Variants in AVIL observed in about 807,000 individuals in gnomAD.
AVIL encodes advillin.
AVIL carries 78 observed loss-of-function variants against 109.9 expected under a neutral mutation model. The ratio of observed to expected loss-of-function variants is 0.71; its 90% CI spans 0.59 to 0.86. AVIL has a LOEUF of 0.86. Among genes scored for constraint, AVIL ranks in the 40% least tolerant of loss-of-function variants. The pLI is 0.00. For synonymous variants in AVIL, 367 were observed against 379.1 expected, an observed-to-expected ratio of 0.97 and a Z score of 0.37; for missense variants, 892 against 1,016.5, an observed-to-expected ratio of 0.88 and a Z score of 1.67.
intron 19 of AVIL, 127 bp downstream of exon 19, chr12:57,799,668 C>A: frequency 7.3e-7 from 1 of 1,371,016 alleles, no homozygotes; most frequent in African/African-American, 1.5e-5. Context: ...GTTTGAGTTC[C>A]TAGGTAGCTC....
intron 16 of AVIL, 80 bp downstream of exon 16, chr12:57,803,167 C>T (rs1431766742): frequency 1.9e-5 from 30 of 1,561,566 alleles, no homozygotes; most frequent in Non-Finnish European, 2.6e-5. Context: ...TGGGTTTATT[C>T]TAGGGTGGGG....
chr12:57,798,773 C>T (rs1006762432), intron 19 of AVIL, among the ~76,000 whole-genome samples: 15 of 152,042 alleles, frequency 9.9e-5, no homozygotes, highest in South Asian at 2.1e-4. Flanking sequence ...CCCACCACCA[C>T]GCCTGGCTAA....
chr12:57,807,871 G>T, intron 11 of AVIL, 144 bp from the exon 12 acceptor site: 3 of 1,169,428 alleles, frequency 2.6e-6, no homozygotes, highest in Non-Finnish European at 2.5e-6. Context: ...CAGTGCTGAG[G>T]ACTCATCACA....
At position 57,803,273 on chromosome 12, in the gene AVIL, C is replaced by T. The variant is rs1460576474; in HGVS notation, c.1936G>A (p.Val646Met). The change falls in exon 16 of 20, where the codon GTG becomes ATG. Residue 646 changes from valine (V) to methionine (M), a missense_variant. By Grantham distance (21) the Val-to-Met change is conservative (BLOSUM62 1). Transcript: ENST00000549994. ...TGGTCCCAGGTATCTAGGAGCATCA[C>T]GTCAGTAGGGTTCAGGTCATCCTGG... ...FTQDDLNPTD[V>M]MLLDTWDQVF... 15 of 1,614,016 alleles carry T rather than the reference C, an allele frequency of 9.3e-6. No individual in the cohort carries two copies. The East Asian group carries it at 1.6e-4, about 17-fold the overall frequency.
chr12:57,803,503 G>A, intron 15 of AVIL, 21 bp downstream of exon 15: 3 of 1,614,066 alleles, frequency 1.9e-6, no homozygotes, highest in Non-Finnish European at 2.5e-6. Flanking sequence ...CCCAGAAGAG[G>A]GGGAGGCTGT....
chr12:57,812,082 C>T (rs541489373), intron 4 of AVIL, among the ~76,000 whole-genome samples: 27 of 152,272 alleles, frequency 1.8e-4, no homozygotes, highest in Non-Finnish European at 3.2e-4. Context: ...CCTTGACCTC[C>T]CGGGCTCAAG....
Position 57,797,998 on chromosome 12 carries a change from AAG to A in AVIL, c.2347-5_2347-4del. 6.9e-6 allele frequency: 11 copies of A among 1,590,578 alleles called. No individual in the cohort carries two copies. The highest frequency in any genetic ancestry group is 9.4e-6 in the Non-Finnish European group (11 of 1,170,736). On this transcript the variant is annotated splice_polypyrimidine_tract_variant and splice_region_variant and intron_variant, in intron 19 of 19. Coordinates refer to ENST00000549994, the MANE Select transcript of AVIL (RefSeq NM_006576.4). ...AAGTCCTGTTCAGAGAGGTAATTCT[AAG>A]AGAGAAAACAAAGTTTCTAGTTAGA...
rs1955757975 is a variant in AVIL, at chr12:57,797,420, T to C, written c.*462A>G. 4.1e-6 allele frequency: 4 copies of C among 985,480 alleles called. No individual in the cohort carries two copies. The highest frequency in any genetic ancestry group is 4.8e-6 in the Non-Finnish European group (4 of 829,952). 61.0% of individuals were successfully genotyped at this position (985,480 alleles called of 1,614,324 possible). ...TTTATTTGAAAAGTGAAAAATGCTT[T>C]GACACATTACAGATCTGGGTATTTG... On this transcript the variant is annotated 3_prime_UTR_variant, in exon 20 of 20. Transcript: ENST00000549994.
chr12:57,817,734 T>A (rs1019072106), intron 1 of AVIL, among the ~76,000 whole-genome samples: 1 of 152,052 alleles, frequency 6.6e-6, no homozygotes, highest in Non-Finnish European at 1.5e-5. Context: ...CAGCAGGAAT[T>A]TAGGAATCAA....
At chr12:57,817,371 A>G (rs1022801024) in intron 1 of AVIL, among the ~76,000 whole-genome samples, 1 of 150,146 alleles carries the variant, frequency 6.7e-6, no homozygotes, top group African/African-American at 2.5e-5. Context: ...GCCATCTAGT[A>G]TGGACTTTGG....
intron 14 of AVIL, 120 bp from the exon 15 acceptor site, chr12:57,803,789 T>G (rs934178494): frequency 7.4e-7 from 1 of 1,342,762 alleles, no homozygotes; most frequent in African/African-American, 1.5e-5. Context: ...CCACAGTCCC[T>G]CAGCCTGGGA....
chr12:57,812,135 A>G (rs886301456), intron 4 of AVIL, among the ~76,000 whole-genome samples: 9 of 152,272 alleles, frequency 5.9e-5, no homozygotes, highest in African/African-American at 1.7e-4. Context: ...TGAGGGCTCA[A>G]TACCCTCAGC....
chr12:57,811,257 G>T, intron 4 of AVIL, 130 bp from the exon 5 acceptor site: 1 of 819,896 alleles, frequency 1.2e-6, no homozygotes, highest in Non-Finnish European at 1.9e-6. Flanking sequence ...TACAGATGGT[G>T]GCAGCTGCTG....
intron 3 of AVIL, among the ~76,000 whole-genome samples, chr12:57,813,650 G>C (rs954940903): frequency 3.9e-5 from 6 of 152,230 alleles, no homozygotes; most frequent in East Asian, 1.9e-4. Flanking sequence ...TTGACAGCTT[G>C]TTGTTCCCCA....
intron 7 of AVIL, 51 bp downstream of exon 7, chr12:57,810,298 C>A: frequency 6.3e-7 from 1 of 1,591,486 alleles, no homozygotes. Flanking sequence ...TTCTAGGGGA[C>A]ACCTTCCCCC....
At chr12:57,808,345 T>A in intron 10 of AVIL, 50 bp downstream of exon 10, 3 of 1,614,020 alleles carry the variant, frequency 1.9e-6, no homozygotes, top group Non-Finnish European at 2.5e-6. Context: ...CATCTGTGCC[T>A]GCTTTTCTAG....
In AVIL at chr12:57,818,182, C is replaced by CTTTTTTT. The variant is rs66731427; in HGVS notation, c.-20+440_-20+446dup. Reference sequence around the variant, plus strand: ...CACAGGTGTGCACCACCATGCTTGGCTTTTTTTTTTTTTTTTTTTTTTTTT... The same window carrying CTTTTTTT: ...CACAGGTGTGCACCACCATGCTTGGCTTTTTTTTTTTTTTTTTTTTTTTTTTTTTTTT... On this transcript the variant is annotated intron_variant, in intron 1 of 19. Coordinates refer to ENST00000549994, the MANE Select transcript of AVIL (RefSeq NM_006576.4). Among the ~76,000 whole-genome samples, 67 of 35,272 alleles carry CTTTTTTT rather than the reference C, an allele frequency of 1.9e-3. 16 individuals are homozygous for CTTTTTTT. The highest frequency in any genetic ancestry group is 1.9e-3 in the Non-Finnish European group (37 of 18,988). 23.1% of individuals were successfully genotyped at this position (35,272 alleles called of 152,430 possible).
At chr12:57,805,833 CTTTT>C (rs1212916686) in intron 14 of AVIL, 2 of 99,936 alleles carry the variant, frequency 2.0e-5, no homozygotes, top group Non-Finnish European at 3.9e-5. Context: ...CTGTGCCTGG[CTTTT>C]TTTTTTTTTT....
intron 9 of AVIL, chr12:57,809,074 C>T (rs1257497150): frequency 6.0e-6 from 1 of 165,456 alleles, no homozygotes; most frequent in African/African-American, 2.4e-5. Context: ...GATCTCGGCT[C>T]ACTGCAGCCT....
Sources: gnomAD v4.1 joint callset for allele counts (sites outside exome capture counted in the v4.1 genomes callset) on GRCh38, gnomAD v4.1.1 for gene constraint, MANE v1.5 for transcripts, NCBI Gene and HGNC (gene_info 2026-07-23, HGNC 2026-07-21) for gene names.